Variants in VRK3 observed in about 807,000 individuals in gnomAD.
The protein encoded by VRK3 is VRK serine/threonine kinase 3.
A neutral mutation model predicts 60.4 loss-of-function variants in VRK3; 50 were observed. That is an observed-to-expected ratio of 0.83 (90% CI 0.66 to 1.05). The LOEUF (loss-of-function observed/expected upper bound fraction) is 1.05. Among genes scored for constraint, VRK3 ranks in the 50% least tolerant of loss-of-function variants. VRK3 has a pLI of 0.00. For synonymous variants in VRK3, 246 were observed against 227.8 expected (o/e 1.08, Z -0.72); for missense variants, 549 against 585.3 (o/e 0.94, Z 0.64).
chr19:50,007,096 C>T (rs2076905349), intron 5 of VRK3, among the ~76,000 whole-genome samples: 1 of 152,244 alleles, frequency 6.6e-6, no homozygotes, highest in East Asian at 1.9e-4. Context: ...GGCCTGCCTG[C>T]TCTCCACAGA....
intron 3 of VRK3, among the ~76,000 whole-genome samples, chr19:50,014,618 A>C (rs533948833): frequency 6.6e-6 from 1 of 151,684 alleles, no homozygotes; most frequent in Non-Finnish European, 1.5e-5. Context: ...AGGCAGTGAA[A>C]GAGTGGGGCA....
At chr19:50,024,098 C>T (rs1054909965) in intron 1 of VRK3, among the ~76,000 whole-genome samples, 2 of 152,030 alleles carry the variant, frequency 1.3e-5, no homozygotes, top group Admixed American at 6.6e-5. Flanking sequence ...CCACCATGCC[C>T]GGCTAATTTT....
At chr19:50,021,222 G>A (rs951899945) in intron 1 of VRK3, among the ~76,000 whole-genome samples, 1 of 152,148 alleles carries the variant, frequency 6.6e-6, no homozygotes, top group Non-Finnish European at 1.5e-5. Context: ...TCCAAAGCAG[G>A]TCACATGACT....
chr19:50,017,601 G>C (rs1157721100), intron 2 of VRK3, among the ~76,000 whole-genome samples: 1 of 123,638 alleles, frequency 8.1e-6, no homozygotes, highest in Admixed American at 8.1e-5. Context: ...AAAAAAAAAA[G>C]TGAAACTATT....
intron 11 of VRK3, among the ~76,000 whole-genome samples, chr19:49,988,895 A>C (rs923577212): frequency 6.6e-6 from 1 of 152,172 alleles, no homozygotes; most frequent in African/African-American, 2.4e-5. Flanking sequence ...AGGACACAGA[A>C]CACACGGGAG....
intron 6 of VRK3, chr19:49,999,407 G>T (rs576491494): frequency 6.6e-6 from 1 of 152,400 alleles, no homozygotes; most frequent in South Asian, 2.1e-4. Flanking sequence ...TCCCCCAAGG[G>T]GGCAGCTCCT....
intron 5 of VRK3, among the ~76,000 whole-genome samples, chr19:50,004,785 C>T (rs1337955231): frequency 6.6e-6 from 1 of 152,000 alleles, no homozygotes; most frequent in East Asian, 1.9e-4. Context: ...TGGCGCCTGC[C>T]TGTAGTCCAA....
intron 14 of VRK3, 85 bp from the exon 15 acceptor site, chr19:49,976,869 G>C (rs2076339015): frequency 6.6e-6 from 1 of 152,124 alleles, no homozygotes. Flanking sequence ...GCACCTTCTA[G>C]GTTCTGGGGA....
Position 49,994,868 on chromosome 19 carries a change from G to C in VRK3, c.816C>G (p.Val272=). The part of the protein sequence containing the change: ...LGRSLQSALD[V]SPKHVLSERS... ...TCTCTGACAGCACATGCTTTGGGCTGACATCCAGGGCCGACTGAAGGCTCC... is the reference window on the plus strand; with the variant it reads ...TCTCTGACAGCACATGCTTTGGGCTCACATCCAGGGCCGACTGAAGGCTCC... Residue 272 remains valine (V), a synonymous_variant, in exon 9 of 15, where the codon GTC becomes GTG. Transcript: ENST00000316763. 1 of 1,614,164 alleles carries C rather than the reference G, an allele frequency of 6.2e-7. No homozygotes were observed. The highest frequency in any genetic ancestry group is 8.5e-7 in the Non-Finnish European group (1 of 1,180,030).
Position 50,016,023 on chromosome 19 carries a change from C to T in VRK3, c.139+1G>A. 6.2e-7 allele frequency: 1 copy of T among 1,614,144 alleles called. No individual in the cohort carries two copies. The highest frequency in any genetic ancestry group is 1.1e-5 in the South Asian group (1 of 91,070). ...AACAGGCTCAATGCTCTGGTTCTTACCTTGGAAGGATGACACATGTGGATT... is the reference window on the plus strand; with the variant it reads ...AACAGGCTCAATGCTCTGGTTCTTATCTTGGAAGGATGACACATGTGGATT... On this transcript the variant is annotated splice_donor_variant, in intron 3 of 14. Coordinates refer to ENST00000316763, the MANE Select transcript of VRK3 (RefSeq NM_016440.4). LOFTEE classifies it high-confidence loss of function.
Position 50,007,894 on chromosome 19 carries a change from C to T in VRK3, c.290-68G>A, listed in dbSNP as rs1203053856. 47 of 1,596,212 alleles carry T rather than the reference C, an allele frequency of 2.9e-5. 1 individual carries two copies. Among genetic ancestry groups the T allele is most frequent in the Non-Finnish European group, 3.1e-5 (36 of 1,170,164 alleles). ...GAGAAAAGTTAGATGGGGAGTGAAACAGCACGCAAAATACTGTTCCTTTAC... is the reference window on the plus strand; with the variant it reads ...GAGAAAAGTTAGATGGGGAGTGAAATAGCACGCAAAATACTGTTCCTTTAC... On this transcript the variant is annotated intron_variant, in intron 4 of 14. Transcript: ENST00000316763.
intron 12 of VRK3, among the ~76,000 whole-genome samples, chr19:49,984,584 G>A (rs1018192732): frequency 4.6e-5 from 7 of 152,174 alleles, no homozygotes; most frequent in East Asian, 1.9e-4. Context: ...AAGCCTGGGC[G>A]GGCTCAGCAT....
chr19:50,000,965 G>A, intron 5 of VRK3, 111 bp from the exon 6 acceptor site: 3 of 977,524 alleles, frequency 3.1e-6, no homozygotes, highest in South Asian at 1.6e-5. Flanking sequence ...GTTCCAACAA[G>A]GTCAAGCGCA....
At chr19:50,009,173 G>A in intron 4 of VRK3, 63 bp downstream of exon 4, 4 of 1,557,030 alleles carry the variant, frequency 2.6e-6, no homozygotes, top group Non-Finnish European at 3.5e-6. Context: ...TTGTCCCAAA[G>A]ATCATCAGAT....
chr19:49,979,314 AC>A (rs1382230409), intron 13 of VRK3, 72 bp from the exon 14 acceptor site: 11 of 1,600,680 alleles, frequency 6.9e-6, no homozygotes, highest in Middle Eastern at 1.7e-4. Context: ...GGGGGTCTCC[AC>A]CCAAGGATGG....
At chr19:49,991,030 C>T (rs547815030) in intron 10 of VRK3, among the ~76,000 whole-genome samples, 15 of 152,214 alleles carry the variant, frequency 9.9e-5, no homozygotes, top group East Asian at 5.8e-4. Context: ...TCAAGCGATC[C>T]GATCCTTCCA....
chr19:50,016,786 G>A (rs2077085680), intron 2 of VRK3, among the ~76,000 whole-genome samples: 1 of 152,218 alleles, frequency 6.6e-6, no homozygotes, highest in Non-Finnish European at 1.5e-5. Context: ...TGAGGATATA[G>A]AAGAGTTTTA....
intron 3 of VRK3, 146 bp downstream of exon 3, chr19:50,015,878 G>C (rs1199882977): frequency 9.6e-7 from 1 of 1,041,608 alleles, no homozygotes; most frequent in Non-Finnish European, 1.4e-6. Context: ...ACTGATGGTA[G>C]ACAGAGGGGT....
rs577413563 is a variant in VRK3, at chr19:50,014,706, G to C, written c.139+1318C>G. On this transcript the variant is annotated intron_variant, in intron 3 of 14. Transcript: ENST00000316763. ...TGAGGCCCAGGCGTGCTGAGGTGTG[G>C]AGGGGCAGCCAGGAGGCCAGTGTGG... 4.8e-3 allele frequency among the ~76,000 whole-genome samples: 731 copies of C among 152,340 alleles called. 10 individuals carry two copies. The highest frequency in any genetic ancestry group is 8.2e-3 in the Non-Finnish European group (559 of 68,028).
Sources: allele counts gnomAD v4.1 joint callset (sites outside exome capture counted in the v4.1 genomes callset), GRCh38; gene constraint gnomAD v4.1.1; transcripts MANE v1.5; gene names NCBI Gene and HGNC (gene_info 2026-07-23, HGNC 2026-07-21).